Variants in SYNJ2BP observed in about 807,000 individuals in gnomAD.
SYNJ2BP encodes synaptojanin 2 binding protein.
A neutral mutation model predicts 16.9 loss-of-function variants in SYNJ2BP; 10 were observed. That is an observed-to-expected ratio of 0.59 (90% CI 0.36 to 1.00). The LOEUF (loss-of-function observed/expected upper bound fraction) is 1.00. Among genes scored for constraint, SYNJ2BP ranks in the 50% least tolerant of loss-of-function variants. The pLI is 0.01. For missense variants in SYNJ2BP, 162 were observed against 186.7 expected, an observed-to-expected ratio of 0.87 and a Z score of 0.77; for synonymous variants, 54 against 68.4, an observed-to-expected ratio of 0.79 and a Z score of 1.04.
In SYNJ2BP at chr14:70,370,757, T is replaced by C. The variant is rs975835401; in HGVS notation, c.*2234A>G. On this transcript the variant is annotated 3_prime_UTR_variant, in exon 4 of 4. Transcript: ENST00000256366. ...TGATATACTTTTAACTTCTCACCTG[T>C]TTATGAATTCTCTTAACTAGGCTGT... The C allele has an allele frequency of 3.9e-5, 6 of 152,252 alleles. No homozygotes were observed. The highest frequency in any genetic ancestry group is 4.8e-5 in the African/African-American group (2 of 41,474). 9.4% of individuals were successfully genotyped at this position (152,252 alleles called of 1,614,324 possible). A position where few individuals can be genotyped will look rare whatever the true frequency, so the allele number is the denominator to read the frequency against.
intron 3 of SYNJ2BP, among the ~76,000 whole-genome samples, chr14:70,375,419 C>T (rs557929231): frequency 1.3e-5 from 2 of 151,472 alleles, no homozygotes; most frequent in East Asian, 3.9e-4. Context: ...AGGCTGGTCT[C>T]GAACTCCTGG....
chr14:70,394,819 C>T (rs1888056477), intron 1 of SYNJ2BP, among the ~76,000 whole-genome samples: 1 of 152,130 alleles, frequency 6.6e-6, no homozygotes, highest in Non-Finnish European at 1.5e-5. Flanking sequence ...TATATTATCT[C>T]ATTTAATCTT....
intron 1 of SYNJ2BP, among the ~76,000 whole-genome samples, chr14:70,390,502 A>G (rs1887956774): frequency 6.6e-6 from 1 of 151,960 alleles, no homozygotes; most frequent in Admixed American, 6.5e-5. Context: ...CCCTGTCTCT[A>G]CTAAAAATAC....
chr14:70,399,096 G>A (rs947578712), intron 1 of SYNJ2BP, among the ~76,000 whole-genome samples: 4 of 152,094 alleles, frequency 2.6e-5, no homozygotes, highest in Non-Finnish European at 5.9e-5. Context: ...TGGTGGGTGG[G>A]TGTGGTGGGT....
intron 2 of SYNJ2BP, among the ~76,000 whole-genome samples, chr14:70,380,603 A>G (rs1887727247): frequency 6.6e-6 from 1 of 151,578 alleles, no homozygotes; most frequent in Admixed American, 6.6e-5. Context: ...CAGAGGTTGC[A>G]GTGAGCCAAG....
At chr14:70,409,955 A>T (rs1282185731) in intron 1 of SYNJ2BP, among the ~76,000 whole-genome samples, 2 of 2,524 alleles carry the variant, frequency 7.9e-4, no homozygotes, top group East Asian at 0.02. Context: ...ACAAATAATT[A>T]AAAAAAAAAA....
chr14:70,390,585 G>A (rs768155181), intron 1 of SYNJ2BP, among the ~76,000 whole-genome samples: 4 of 151,696 alleles, frequency 2.6e-5, no homozygotes, highest in South Asian at 2.1e-4. Flanking sequence ...GGAGAATGGC[G>A]TGAACCCGGG....
intron 1 of SYNJ2BP, among the ~76,000 whole-genome samples, chr14:70,388,926 CTTTTTTTT>C (rs201784694): frequency 7.3e-5 from 10 of 137,410 alleles, no homozygotes; most frequent in Admixed American, 2.9e-4. Flanking sequence ...TCTTCTTTTT[CTTTTTTTT>C]TTTTTTTCAG....
chr14:70,407,047 G>A (rs920016040), intron 1 of SYNJ2BP, among the ~76,000 whole-genome samples: 1 of 152,112 alleles, frequency 6.6e-6, no homozygotes, highest in Non-Finnish European at 1.5e-5. Flanking sequence ...TGGTGATTAT[G>A]TACAAAAATG....
At chr14:70,386,956 T>C (rs966782970) in intron 2 of SYNJ2BP, among the ~76,000 whole-genome samples, 2 of 152,218 alleles carry the variant, frequency 1.3e-5, no homozygotes, top group African/African-American at 4.8e-5. Flanking sequence ...ATTTCAACGT[T>C]TTCCCAACGT....
At chr14:70,413,801 G>A (rs1045090700) in intron 1 of SYNJ2BP, among the ~76,000 whole-genome samples, 2 of 152,198 alleles carry the variant, frequency 1.3e-5, no homozygotes, top group African/African-American at 4.8e-5. Context: ...CTTATAATAT[G>A]GGCCCAAACA....
At chr14:70,391,715 G>A (rs886984690) in intron 1 of SYNJ2BP, among the ~76,000 whole-genome samples, 2 of 152,042 alleles carry the variant, frequency 1.3e-5, no homozygotes, top group Non-Finnish European at 2.9e-5. Flanking sequence ...GTTATTCAAA[G>A]CTAACTGTAG....
chr14:70,417,036 C>A lies in SYNJ2BP; in HGVS notation c.-73G>T, dbSNP rs1888629884. The A allele has an allele frequency of 6.2e-7, 1 of 1,610,224 alleles. No homozygotes were observed. Among genetic ancestry groups the A allele is most frequent in the Non-Finnish European group, 8.5e-7 (1 of 1,178,078 alleles). ...ACAGGTGAAGGTGAATCAATCTCGG[C>A]GCTGCGCCCACAGCACAGCGGTTTC... On this transcript the variant is annotated 5_prime_UTR_variant, in exon 1 of 4. Transcript: ENST00000256366.
chr14:70,389,983 C>T (rs905614865), intron 1 of SYNJ2BP, among the ~76,000 whole-genome samples: 1 of 152,062 alleles, frequency 6.6e-6, no homozygotes, highest in Non-Finnish European at 1.5e-5. Context: ...ACAGATAATA[C>T]TATATCATAC....
chr14:70,399,400 G>C (rs981662524), intron 1 of SYNJ2BP, among the ~76,000 whole-genome samples: 2 of 152,254 alleles, frequency 1.3e-5, no homozygotes, highest in African/African-American at 4.8e-5. Context: ...ACTGCCCGGG[G>C]CCCAGCCCTG....
At chr14:70,414,705 A>G (rs980261978) in intron 1 of SYNJ2BP, among the ~76,000 whole-genome samples, 5 of 152,328 alleles carry the variant, frequency 3.3e-5, no homozygotes, top group Non-Finnish European at 7.4e-5. Context: ...GAGGTAGTAA[A>G]ATAACCGAAG....
Position 70,410,833 on chromosome 14 carries a change from G to A in SYNJ2BP, c.64+6067C>T, listed in dbSNP as rs557226596. ...AAATAATAACACATAGACACACAGA[G>A]GAGAACAGACACTGGGGCCTACTTA... On this transcript the variant is annotated intron_variant, in intron 1 of 3. Coordinates refer to ENST00000256366, the MANE Select transcript of SYNJ2BP (RefSeq NM_018373.3). Among the ~76,000 whole-genome samples the A allele has an allele frequency of 2.0e-5, 3 of 152,248 alleles. No homozygotes were observed. In the South Asian group the frequency reaches 6.2e-4, roughly 32 times the overall value.
At chr14:70,389,055 G>A (rs1447979894) in intron 1 of SYNJ2BP, among the ~76,000 whole-genome samples, 2 of 150,972 alleles carry the variant, frequency 1.3e-5, no homozygotes, top group African/African-American at 4.9e-5. Flanking sequence ...AATCACTATT[G>A]CCTTGGCCTC....
Position 70,372,884 on chromosome 14 carries a change from A to G in SYNJ2BP, c.*107T>C. Reference sequence around the variant, plus strand: ...GCAAGGTTTGGGGTGGGTATCAGTCACTTCAAATCTGGCTATGCAGAGAGA... The same window carrying G: ...GCAAGGTTTGGGGTGGGTATCAGTCGCTTCAAATCTGGCTATGCAGAGAGA... On this transcript the variant is annotated 3_prime_UTR_variant, in exon 4 of 4. Transcript: ENST00000256366. 1 of 1,511,590 alleles carries G rather than the reference A, an allele frequency of 6.6e-7. No individual in the cohort carries two copies. 93.6% of individuals were successfully genotyped at this position (1,511,590 alleles called of 1,614,324 possible).
Sources: allele counts gnomAD v4.1 joint callset (sites outside exome capture counted in the v4.1 genomes callset), GRCh38; gene constraint gnomAD v4.1.1; transcripts MANE v1.5; gene names NCBI Gene and HGNC (gene_info 2026-07-23, HGNC 2026-07-21).